PTPN13: variants seen among roughly 807,000 people sequenced by gnomAD.
PTPN13 encodes the protein protein tyrosine phosphatase non-receptor type 13.
Under a neutral mutation model 284.0 loss-of-function variants are expected in PTPN13, and 191 were observed. The ratio of observed to expected loss-of-function variants is 0.67; its 90% CI spans 0.60 to 0.76. The LOEUF (loss-of-function observed/expected upper bound fraction) is 0.76, where lower values mean the gene tolerates loss of function less well. Among genes scored for constraint, PTPN13 ranks in the 30% least tolerant of loss-of-function variants. PTPN13 has a pLI of 0.00. For synonymous variants in PTPN13, 986 were observed against 1,022.3 expected (o/e 0.96, Z 0.68); for missense variants, 2,797 against 2,939.9 (o/e 0.95, Z 1.12).
intron 17 of PTPN13, 36 bp downstream of exon 17, chr4:86,745,164 G>A (rs201168110): frequency 3.1e-5 from 49 of 1,557,532 alleles, no homozygotes; most frequent in Non-Finnish European, 4.1e-5. Context: ...TGACTCCTGG[G>A]AATATGAATA....
At chr4:86,747,338 A>G (rs1261594189) in intron 17 of PTPN13, among the ~76,000 whole-genome samples, 2 of 152,242 alleles carry the variant, frequency 1.3e-5, no homozygotes, top group Non-Finnish European at 2.9e-5. Flanking sequence ...GATAATACCT[A>G]TATCAGAAAG....
chr4:86,807,536 T>C (rs1439779131), intron 44 of PTPN13, 24 bp from the exon 45 acceptor site: 1 of 1,554,350 alleles, frequency 6.4e-7, no homozygotes, highest in East Asian at 2.3e-5. Flanking sequence ...TGGATGGCTC[T>C]GTTTTGTGGT....
chr4:86,729,726 A>G (rs1283569584), intron 10 of PTPN13, among the ~76,000 whole-genome samples: 1 of 149,498 alleles, frequency 6.7e-6, no homozygotes. Context: ...TGTTTATTCT[A>G]GTTAGCCATT....
chr4:86,791,065 T>G (rs28483600), intron 40 of PTPN13, among the ~76,000 whole-genome samples: 15,106 of 152,046 alleles, frequency 0.099, 867 homozygotes, highest in Non-Finnish European at 0.11. Flanking sequence ...AAGCACAAGG[T>G]GTCAGGGGAT....
intron 1 of PTPN13, among the ~76,000 whole-genome samples, chr4:86,597,344 C>G (rs1227813434): frequency 1.3e-5 from 2 of 152,100 alleles, no homozygotes; most frequent in African/African-American, 4.8e-5. Context: ...CTCAAGCAAT[C>G]CTCCTAACTC....
At chr4:86,661,801 C>T (rs1306525820) in intron 2 of PTPN13, among the ~76,000 whole-genome samples, 1 of 152,178 alleles carries the variant, frequency 6.6e-6, no homozygotes, top group African/African-American at 2.4e-5. Flanking sequence ...TGCCAGTCAT[C>T]ATCTTTGATA....
chr4:86,735,021 C>G, intron 14 of PTPN13, 146 bp downstream of exon 14: 1 of 840,608 alleles, frequency 1.2e-6, no homozygotes. Flanking sequence ...ACCAAGCACT[C>G]CATGTATATC....
chr4:86,632,420 A>T (rs1716892738), intron 1 of PTPN13, among the ~76,000 whole-genome samples: 1 of 152,084 alleles, frequency 6.6e-6, no homozygotes, highest in Admixed American at 6.6e-5. Flanking sequence ...AAATTGCTTT[A>T]CTGTTTTTGA....
chr4:86,700,019 T>C (rs1175144366), intron 6 of PTPN13, among the ~76,000 whole-genome samples: 1 of 152,164 alleles, frequency 6.6e-6, no homozygotes, highest in Non-Finnish European at 1.5e-5. Context: ...TTATCCTTAT[T>C]TACACTTGAG....
Position 86,774,617 on chromosome 4 carries a change from GTATT to G in PTPN13, c.5508+90_5508+93del, listed in dbSNP as rs1430787895. The G allele has an allele frequency of 1.3e-5, 17 of 1,261,546 alleles. 1 individual carries two copies. Among genetic ancestry groups the G allele is most frequent in the Non-Finnish European group, 1.8e-5 (17 of 942,444 alleles). The allele number at this position is 1,261,546 out of a possible 1,614,324, so 78.1% of individuals were successfully genotyped here. A position where few individuals can be genotyped will look rare whatever the true frequency, so the allele number is the denominator to read the frequency against. ...AAGAAGATTGAATTATTGTAATACT[GTATT>G]TATCTATTCGGTTTATGCTTTCTGT... is the stretch of plus-strand genomic sequence containing the variant. On this transcript the variant is annotated intron_variant, in intron 33 of 47. Coordinates refer to ENST00000411767, the MANE Select transcript of PTPN13 (RefSeq NM_080683.3).
Position 86,771,392 on chromosome 4 carries a change from G to A in PTPN13, c.5025G>A (p.Trp1675Ter). 4 of 1,569,274 alleles carry A rather than the reference G, an allele frequency of 2.5e-6. No homozygotes were observed. The highest frequency in any genetic ancestry group is 1.4e-5 in the African/African-American group (1 of 74,014). ...CAGCAAACATATCAAATTCGACCTG[G>A]AGTTCAGCTTTGCATCAGACTCTAA... ...TAPANISNST[W>*]SSALHQTLSN... The change falls in exon 31 of 48, where the codon TGG becomes TGA. Residue 1675 changes from tryptophan to a stop codon, truncating the protein, a stop_gained. Transcript: ENST00000411767. LOFTEE classifies it high-confidence loss of function.
chr4:86,808,752 A>G (rs959053587), intron 45 of PTPN13, among the ~76,000 whole-genome samples: 5 of 152,188 alleles, frequency 3.3e-5, no homozygotes, highest in Non-Finnish European at 2.9e-5. Context: ...CAACCCCTTT[A>G]TAGAGATTTG....
chr4:86,751,923 A>ATGTGTGTG (rs3035339), intron 19 of PTPN13, among the ~76,000 whole-genome samples: 2 of 149,168 alleles, frequency 1.3e-5, no homozygotes, highest in African/African-American at 2.5e-5. Flanking sequence ...AATTGTATGT[A>ATGTGTGTG]TGTGTGTGTG....
chr4:86,681,500 A>G lies in PTPN13; in HGVS notation c.295-5210A>G, dbSNP rs557014979. On this transcript the variant is annotated intron_variant, in intron 3 of 47. Transcript: ENST00000411767. Reference sequence around the variant, plus strand: ...ACAGGGCAGCTCCCCACTGCAAAGAATCATCCAATCCCGAATGTCAGTAGT... The same window carrying G: ...ACAGGGCAGCTCCCCACTGCAAAGAGTCATCCAATCCCGAATGTCAGTAGT... Among the ~76,000 whole-genome samples the G allele has an allele frequency of 5.2e-4, 79 of 152,362 alleles. No homozygotes were observed. In the Middle Eastern group the frequency reaches 0.017, roughly 33 times the overall value.
Position 86,686,739 on chromosome 4 carries a change from G to A in PTPN13, c.324G>A (p.Leu108=). The change falls in exon 4 of 48, where the codon CTG becomes CTA. Residue 108 remains leucine, a synonymous_variant. Coordinates refer to ENST00000411767, the MANE Select transcript of PTPN13 (RefSeq NM_080683.3). ...KIHIYSLGMT[L]YWGADYEVPQ... is the part of the protein sequence containing the mutation. ...ACATTTATTCTCTTGGAATGACACTGTATTGGGGGGCTGATTATGAAGTGC... is the reference window on the plus strand; with the variant it reads ...ACATTTATTCTCTTGGAATGACACTATATTGGGGGGCTGATTATGAAGTGC... The A allele has an allele frequency of 3.2e-6, 5 of 1,580,514 alleles. No individual in the cohort carries two copies. The highest frequency in any genetic ancestry group is 4.3e-6 in the Non-Finnish European group (5 of 1,162,288).
chr4:86,777,615 G>C (rs1424114829), intron 35 of PTPN13, among the ~76,000 whole-genome samples: 1 of 148,324 alleles, frequency 6.7e-6, no homozygotes, highest in Non-Finnish European at 1.5e-5. Context: ...CAATTTACAG[G>C]AATCCAGGCT....
At chr4:86,775,711 AT>A in intron 35 of PTPN13, 59 bp downstream of exon 35, 1 of 1,222,076 alleles carries the variant, frequency 8.2e-7, no homozygotes, top group Non-Finnish European at 1.2e-6. Flanking sequence ...CAGGTCATTG[AT>A]TATACTTCAT....
chr4:86,791,636 C>G (rs2149337656), intron 40 of PTPN13, among the ~76,000 whole-genome samples: 2 of 152,328 alleles, frequency 1.3e-5, no homozygotes, highest in South Asian at 4.1e-4. Flanking sequence ...GGGTGCCCCT[C>G]TGGGATGAAG....
chr4:86,809,687 T>C (rs1445256710), intron 45 of PTPN13, 82 bp from the exon 46 acceptor site: 17 of 1,330,618 alleles, frequency 1.3e-5, no homozygotes, highest in Non-Finnish European at 1.5e-5. Context: ...CGAGACCCTA[T>C]CTCAAGAAAG....
Sources: allele counts gnomAD v4.1 joint callset (sites outside exome capture counted in the v4.1 genomes callset), GRCh38; gene constraint gnomAD v4.1.1; transcripts MANE v1.5; gene names NCBI Gene and HGNC (gene_info 2026-07-23, HGNC 2026-07-21).